The following NT5C2 variants were observed in gnomAD, a reference collection of about 807,000 sequenced individuals.
NT5C2 encodes the protein 5'-nucleotidase, cytosolic II.
A neutral mutation model predicts 76.1 loss-of-function variants in NT5C2; 58 were observed. That is an observed-to-expected ratio of 0.76 (90% CI 0.62 to 0.95). The LOEUF is 0.95. NT5C2 is among the 40% of genes least tolerant of loss of function. The pLI, the probability that NT5C2 is intolerant of heterozygous loss-of-function variation, is 0.00. For missense variants in NT5C2, 478 were observed against 690.3 expected, an observed-to-expected ratio of 0.69 and a Z score of 3.45; for synonymous variants, 229 against 237.4, an observed-to-expected ratio of 0.96 and a Z score of 0.32.
At chr10:103,123,595 C>T (rs1414724740) in intron 4 of NT5C2, among the ~76,000 whole-genome samples, 2 of 152,160 alleles carry the variant, frequency 1.3e-5, no homozygotes, top group Non-Finnish European at 2.9e-5. Flanking sequence ...ACATAAAGTA[C>T]ATTTTCTAGT....
chr10:103,138,123 T>G (rs1397742803), intron 4 of NT5C2, among the ~76,000 whole-genome samples: 1 of 152,204 alleles, frequency 6.6e-6, no homozygotes, highest in South Asian at 2.1e-4. Flanking sequence ...AAAAAGAAGT[T>G]CATCTTTTCC....
At chr10:103,102,615 G>A (rs1274685647) in intron 6 of NT5C2, among the ~76,000 whole-genome samples, 2 of 151,140 alleles carry the variant, frequency 1.3e-5, no homozygotes, top group Non-Finnish European at 2.9e-5. Flanking sequence ...ATATATTCAA[G>A]AGAGATTACC....
chr10:103,150,140 A>C (rs1253601297), intron 3 of NT5C2, among the ~76,000 whole-genome samples: 1 of 152,178 alleles, frequency 6.6e-6, no homozygotes, highest in African/African-American at 2.4e-5. Context: ...AACAGTATAC[A>C]CTCATGCAAC....
chr10:103,142,350 CATG>C (rs2080606490), intron 3 of NT5C2, among the ~76,000 whole-genome samples: 1 of 152,142 alleles, frequency 6.6e-6, no homozygotes, highest in African/African-American at 2.4e-5. Context: ...AGATCATCAG[CATG>C]ATGGTCTTTC....
chr10:103,152,874 A>G (rs1386513494), intron 3 of NT5C2, among the ~76,000 whole-genome samples: 1 of 152,234 alleles, frequency 6.6e-6, no homozygotes, highest in Non-Finnish European at 1.5e-5. Context: ...AAACAAAATC[A>G]TAGGCTGTTT....
At chr10:103,115,432 T>A (rs2135516392) in intron 4 of NT5C2, among the ~76,000 whole-genome samples, 1 of 152,222 alleles carries the variant, frequency 6.6e-6, no homozygotes, top group South Asian at 2.1e-4. Flanking sequence ...ATAGCCTGGA[T>A]GCTGGGAGCG....
chr10:103,090,338 C>T, intron 18 of NT5C2: 1 of 389,452 alleles, frequency 2.6e-6, no homozygotes, highest in Admixed American at 4.1e-5. Context: ...CCACCTCAGC[C>T]TCTAAAGTTC....
chr10:103,145,914 C>T (rs2081393984), intron 3 of NT5C2: 1 of 244,168 alleles, frequency 4.1e-6, no homozygotes, highest in African/African-American at 2.3e-5. Context: ...ATATAATGTG[C>T]TTTAGAAATA....
chr10:103,119,649 CAGTA>C (rs2075245227), intron 4 of NT5C2, among the ~76,000 whole-genome samples: 1 of 152,222 alleles, frequency 6.6e-6, no homozygotes, highest in Admixed American at 6.5e-5. Flanking sequence ...CCTCTCGTCA[CAGTA>C]AGAACTCCAA....
intron 18 of NT5C2, 46 bp from the exon 19 acceptor site, chr10:103,089,954 T>C (rs1430003668): frequency 6.7e-7 from 1 of 1,501,936 alleles, no homozygotes; most frequent in South Asian, 1.3e-5. Flanking sequence ...CAGAGCAAAG[T>C]AGCTACTCCC....
intron 4 of NT5C2, among the ~76,000 whole-genome samples, chr10:103,129,136 C>T (rs2077374671): frequency 8.0e-6 from 1 of 124,508 alleles, no homozygotes; most frequent in Non-Finnish European, 1.8e-5. Flanking sequence ...GGGGTCAGCC[C>T]CCCGCCCGGC....
intron 3 of NT5C2, among the ~76,000 whole-genome samples, chr10:103,142,574 A>G (rs1309998665): frequency 6.6e-6 from 1 of 152,050 alleles, no homozygotes; most frequent in African/African-American, 2.4e-5. Flanking sequence ...GGGAGGCTGA[A>G]GTGGGATCTC....
At chr10:103,140,604 G>A (rs538501787) in intron 3 of NT5C2, among the ~76,000 whole-genome samples, 1 of 152,306 alleles carries the variant, frequency 6.6e-6, no homozygotes, top group East Asian at 1.9e-4. Flanking sequence ...TCTTTAGGAA[G>A]CTCTACAGCA....
At chr10:103,153,821 T>C in intron 3 of NT5C2, 1 of 952,670 alleles carries the variant, frequency 1.0e-6, no homozygotes, top group Non-Finnish European at 1.2e-6. Flanking sequence ...CCTCAGAAAA[T>C]AAACAATGTG....
At chr10:103,122,486 A>C (rs1470994069) in intron 4 of NT5C2, among the ~76,000 whole-genome samples, 1 of 152,238 alleles carries the variant, frequency 6.6e-6, no homozygotes, top group Non-Finnish European at 1.5e-5. Flanking sequence ...TGGGAGCAGC[A>C]TGAGAAATAG....
At chr10:103,093,704 CA>C (rs1307888801) in intron 14 of NT5C2, 8 of 457,738 alleles carry the variant, frequency 1.7e-5, no homozygotes, top group Admixed American at 3.6e-5. Context: ...GAAGTACCCC[CA>C]AGTGATTCGA....
intron 4 of NT5C2, among the ~76,000 whole-genome samples, chr10:103,117,327 G>T (rs921827057): frequency 1.3e-5 from 2 of 152,080 alleles, no homozygotes; most frequent in African/African-American, 4.8e-5. Context: ...CTTACACATC[G>T]AAATGAGCCT....
At chr10:103,137,636 TGTA>T (rs1349527919) in intron 4 of NT5C2, among the ~76,000 whole-genome samples, 2 of 152,244 alleles carry the variant, frequency 1.3e-5, no homozygotes, top group Non-Finnish European at 2.9e-5. Flanking sequence ...AAGGTTTTTG[TGTA>T]AAGACAAAAT....
intron 4 of NT5C2, among the ~76,000 whole-genome samples, chr10:103,107,504 C>T (rs989311141): frequency 6.6e-6 from 1 of 151,612 alleles, no homozygotes; most frequent in African/African-American, 2.4e-5. Flanking sequence ...GTGAAACCCC[C>T]GTCTCTATTA....
Sources: gnomAD v4.1 joint callset for allele counts (sites outside exome capture counted in the v4.1 genomes callset) on GRCh38, gnomAD v4.1.1 for gene constraint, MANE v1.5 for transcripts, NCBI Gene and HGNC (gene_info 2026-07-23, HGNC 2026-07-21) for gene names.